Variants in TRIO observed in about 807,000 individuals in gnomAD.
TRIO encodes triple functional domain protein.
In TRIO, 58 loss-of-function variants were observed where a neutral mutation model predicts 351.9. The ratio of observed to expected loss-of-function variants is 0.16; its 90% CI spans 0.13 to 0.21. The LOEUF is 0.21. Ranked by LOEUF, TRIO falls within the 10% of genes least tolerant of loss-of-function variation. The pLI is 1.00. For missense variants in TRIO, 3,201 were observed against 4,027.8 expected, an observed-to-expected ratio of 0.79 and a Z score of 5.56; for synonymous variants, 1,758 against 1,595.7, an observed-to-expected ratio of 1.10 and a Z score of -2.42.
chr5:14,230,454 C>T (rs1273001948), intron 1 of TRIO, among the ~76,000 whole-genome samples: 1 of 151,654 alleles, frequency 6.6e-6, no homozygotes, highest in East Asian at 1.9e-4. Flanking sequence ...CACAGATTTC[C>T]AAATATAAAA....
At chr5:14,158,327 A>G (rs1253451273) in intron 1 of TRIO, among the ~76,000 whole-genome samples, 1 of 151,994 alleles carries the variant, frequency 6.6e-6, no homozygotes, top group East Asian at 1.9e-4. Context: ...GGAGAGGCTG[A>G]GGCAGAAGAA....
chr5:14,374,608 T>C (rs961049041), intron 19 of TRIO, among the ~76,000 whole-genome samples: 3 of 152,138 alleles, frequency 2.0e-5, no homozygotes, highest in African/African-American at 7.2e-5. Flanking sequence ...CAGGATGATA[T>C]TTACTGACAT....
At chr5:14,269,784 C>G (rs1020868532) in intron 1 of TRIO, among the ~76,000 whole-genome samples, 1 of 152,182 alleles carries the variant, frequency 6.6e-6, no homozygotes, top group Non-Finnish European at 1.5e-5. Context: ...AATTCCAAGT[C>G]TACATCTTGC....
chr5:14,471,208 T>G, intron 37 of TRIO, 110 bp from the exon 38 acceptor site: 1 of 1,324,606 alleles, frequency 7.5e-7, no homozygotes, highest in African/African-American at 1.5e-5. Flanking sequence ...TTTTATAATT[T>G]CACAAATACA....
chr5:14,263,411 CT>C (rs1376071580), intron 1 of TRIO, among the ~76,000 whole-genome samples: 1 of 151,806 alleles, frequency 6.6e-6, no homozygotes, highest in Non-Finnish European at 1.5e-5. Flanking sequence ...AGAATTATAG[CT>C]TTATTTTCTG....
intron 13 of TRIO, among the ~76,000 whole-genome samples, chr5:14,362,225 T>G (rs17304403): frequency 0.23 from 34,493 of 152,204 alleles, 4,523 homozygotes; most frequent in Middle Eastern, 0.36. Flanking sequence ...TGGTTAAGCT[T>G]CTTTGGTTAT....
At chr5:14,203,631 A>T (rs911174753) in intron 1 of TRIO, among the ~76,000 whole-genome samples, 1 of 152,254 alleles carries the variant, frequency 6.6e-6, no homozygotes, top group African/African-American at 2.4e-5. Context: ...TAAAAAATGT[A>T]TGTAGTAATT....
At position 14,360,134 on chromosome 5, in the gene TRIO, G is replaced by A. The variant is rs73749084; in HGVS notation, c.2391+603G>A. Among the ~76,000 whole-genome samples the A allele has an allele frequency of 7.5e-3, 1,140 of 152,042 alleles. 9 individuals are homozygous for A. The highest frequency in any genetic ancestry group is 0.026 in the African/African-American group (1,095 of 41,456). ...CTGACTTGTGGTCGTAGCATTTTAG[G>A]TAACAAAAAACACAATTTCCCCCCA... On this transcript the variant is annotated intron_variant, in intron 13 of 56. Transcript: ENST00000344204.
chr5:14,416,492 A>T (rs1749655646), intron 33 of TRIO, among the ~76,000 whole-genome samples: 2 of 152,142 alleles, frequency 1.3e-5, no homozygotes, highest in South Asian at 4.1e-4. Flanking sequence ...GAAGATTTTT[A>T]AAATAATTGT....
intron 7 of TRIO, among the ~76,000 whole-genome samples, chr5:14,304,239 T>C (rs1738169658): frequency 6.6e-6 from 1 of 152,136 alleles, no homozygotes; most frequent in African/African-American, 2.4e-5. Context: ...TCATCTGAAA[T>C]GTGGATTCCT....
chr5:14,181,559 T>A (rs1789769488), intron 1 of TRIO, among the ~76,000 whole-genome samples: 1 of 151,962 alleles, frequency 6.6e-6, no homozygotes, highest in African/African-American at 2.4e-5. Flanking sequence ...GTGGAGCGTT[T>A]CTGGGGGGCG....
At position 14,487,642 on chromosome 5, in the gene TRIO, C is replaced by T; in HGVS notation, c.7014C>T (p.Pro2338=). 2 of 1,263,556 alleles carry T rather than the reference C, an allele frequency of 1.6e-6. No individual in the cohort carries two copies. Among genetic ancestry groups the T allele is most frequent in the South Asian group, 2.9e-5 (1 of 34,946 alleles). 78.3% of individuals were successfully genotyped at this position (1,263,556 alleles called of 1,614,324 possible). A position where few individuals can be genotyped will look rare whatever the true frequency, so the allele number is the denominator to read the frequency against. The part of the protein sequence containing the change: ...GGAPSTSRSR[P]SRIPQPVRHH... ...CCCCCAGCACGAGCAGGAGCCGGCC[C>T]TCCCGGATCCCCCAGCCTGTCCGAC... The change falls in exon 48 of 57, where the codon CCC becomes CCT. Residue 2338 remains proline (P), a synonymous_variant. Transcript: ENST00000344204.
chr5:14,415,122 G>A (rs538585022), intron 33 of TRIO, among the ~76,000 whole-genome samples: 55 of 152,290 alleles, frequency 3.6e-4, no homozygotes, highest in African/African-American at 1.2e-3. Context: ...AGGCTGTGAC[G>A]GTTCACGGGA....
chr5:14,221,388 T>C (rs1792609463), intron 1 of TRIO, among the ~76,000 whole-genome samples: 1 of 152,218 alleles, frequency 6.6e-6, no homozygotes, highest in Non-Finnish European at 1.5e-5. Flanking sequence ...TTCCAAGTCT[T>C]ATCATTTACA....
intron 1 of TRIO, among the ~76,000 whole-genome samples, chr5:14,157,136 A>C (rs931232438): frequency 5.9e-5 from 9 of 152,202 alleles, no homozygotes; most frequent in Non-Finnish European, 1.3e-4. Flanking sequence ...GGAGGAGAAG[A>C]AGCTGAGTTC....
chr5:14,372,115 G>T (rs913534477), intron 18 of TRIO, among the ~76,000 whole-genome samples: 5 of 151,856 alleles, frequency 3.3e-5, no homozygotes, highest in Non-Finnish European at 7.4e-5. Flanking sequence ...CCCCATTCCA[G>T]ATTGGTAATT....
At chr5:14,406,051 A>T in intron 32 of TRIO, 61 bp downstream of exon 32, 1 of 1,565,646 alleles carries the variant, frequency 6.4e-7, no homozygotes. Context: ...AGGCGGTGTT[A>T]GCTCACCCTG....
chr5:14,282,156 T>G (rs1294611114), intron 3 of TRIO, among the ~76,000 whole-genome samples: 1 of 152,220 alleles, frequency 6.6e-6, no homozygotes, highest in East Asian at 1.9e-4. Context: ...TTTCCCTTTC[T>G]TCTTCTGGTA....
intron 10 of TRIO, among the ~76,000 whole-genome samples, chr5:14,334,902 C>T (rs888838165): frequency 6.6e-6 from 1 of 152,202 alleles, no homozygotes. Context: ...CACAGGAGTG[C>T]CCACTCTTGT....
Sources: allele counts gnomAD v4.1 joint callset (sites outside exome capture counted in the v4.1 genomes callset), GRCh38; gene constraint gnomAD v4.1.1; transcripts MANE v1.5; gene names NCBI Gene and HGNC (gene_info 2026-07-23, HGNC 2026-07-21).